Variants in IL1RAPL2 observed in about 807,000 individuals in gnomAD.
IL1RAPL2 encodes the protein X-linked interleukin-1 receptor accessory protein-like 2.
IL1RAPL2 carries 3 observed loss-of-function variants against 44.1 expected under a neutral mutation model. The observed-to-expected ratio is 0.07, with a 90% CI of 0.03 to 0.18. The LOEUF (loss-of-function observed/expected upper bound fraction) is 0.18, where lower values mean the gene tolerates loss of function less well. Among genes scored for constraint, IL1RAPL2 ranks in the 10% least tolerant of loss-of-function variants. IL1RAPL2 has a pLI of 1.00. For missense variants in IL1RAPL2, 391 were observed against 496.4 expected, an observed-to-expected ratio of 0.79 and a Z score of 2.02; for synonymous variants, 181 against 178.8, an observed-to-expected ratio of 1.01 and a Z score of -0.10.
intron 7 of IL1RAPL2, among the ~76,000 whole-genome samples, chrX:105,739,639 A>G (rs1451649780): frequency 9.4e-6 from 1 of 105,978 alleles, no homozygotes; most frequent in Non-Finnish European, 1.9e-5. Context: ...GAGAATGATG[A>G]TTTCCAATTT....
intron 6 of IL1RAPL2, among the ~76,000 whole-genome samples, chrX:105,609,650 A>T (rs2037320833): frequency 8.9e-6 from 1 of 111,896 alleles, no homozygotes; most frequent in Non-Finnish European, 1.9e-5. Context: ...GTGAGTCAGG[A>T]ATAGATACGG....
At chrX:105,388,241 A>T (rs1228173014) in intron 5 of IL1RAPL2, among the ~76,000 whole-genome samples, 8 of 100,755 alleles carry the variant, frequency 7.9e-5, no homozygotes, top group Admixed American at 6.7e-4. Flanking sequence ...AGTAACTCTG[A>T]CTATGTCGGC....
rs774223084 is a variant in IL1RAPL2 at position 105,415,371 on chromosome X, T to C, written c.698-68942T>C. 4.8e-3 allele frequency among the ~76,000 whole-genome samples: 536 copies of C among 111,216 alleles called. 6 individuals carry two copies. Among genetic ancestry groups the C allele is most frequent in the African/African-American group, 0.017 (519 of 30,610 alleles). On this transcript the variant is annotated intron_variant, in intron 5 of 10. Coordinates refer to ENST00000372582, the MANE Select transcript of IL1RAPL2 (RefSeq NM_017416.2). ...GGAATGGTTATCATATAATAGGAAGTCAGACTGTGCAAATATTTGTTACTG... is the reference window on the plus strand; with the variant it reads ...GGAATGGTTATCATATAATAGGAAGCCAGACTGTGCAAATATTTGTTACTG...
intron 4 of IL1RAPL2, among the ~76,000 whole-genome samples, chrX:105,261,477 T>A (rs1334192619): frequency 2.9e-5 from 3 of 104,934 alleles, no homozygotes; most frequent in Non-Finnish European, 5.6e-5. Flanking sequence ...TCAGGCTGTT[T>A]TTTTGTTTGT....
At chrX:105,009,202 T>G (rs932410358) in intron 2 of IL1RAPL2, among the ~76,000 whole-genome samples, 16 of 111,342 alleles carry the variant, frequency 1.4e-4, no homozygotes, top group African/African-American at 4.2e-4. Flanking sequence ...GATTCCTCAA[T>G]GATCTAGAAC....
intron 5 of IL1RAPL2, among the ~76,000 whole-genome samples, chrX:105,439,093 T>G (rs2035901217): frequency 9.0e-6 from 1 of 111,624 alleles, no homozygotes; most frequent in Admixed American, 9.6e-5. Flanking sequence ...CTGCCATGAT[T>G]GTAAGTTTCC....
chrX:104,847,035 G>C (rs1181197668), intron 2 of IL1RAPL2, among the ~76,000 whole-genome samples: 8 of 111,930 alleles, frequency 7.1e-5, no homozygotes, highest in African/African-American at 2.6e-4. Flanking sequence ...CCCACTTTTT[G>C]ATGGGGTTGT....
intron 2 of IL1RAPL2, among the ~76,000 whole-genome samples, chrX:104,872,361 CT>C (rs1922788761): frequency 1.8e-5 from 2 of 111,615 alleles, no homozygotes; most frequent in South Asian, 7.5e-4. Flanking sequence ...TAAAAATTAT[CT>C]TACTTTTCAA....
intron 2 of IL1RAPL2, among the ~76,000 whole-genome samples, chrX:105,079,970 C>T (rs1385132466): frequency 1.8e-5 from 2 of 112,076 alleles, no homozygotes; most frequent in Non-Finnish European, 3.8e-5. Context: ...AGCTTTTATT[C>T]AGGTTGGTTG....
At chrX:105,447,029 C>A (rs2035959890) in intron 5 of IL1RAPL2, among the ~76,000 whole-genome samples, 1 of 81,252 alleles carries the variant, frequency 1.2e-5, no homozygotes, top group Non-Finnish European at 2.3e-5. Flanking sequence ...GTCTTCATTT[C>A]TCCGTCATGC....
In IL1RAPL2 at chrX:104,639,194, G is replaced by A. The variant is rs746545899; in HGVS notation, c.-19-19701G>A. On this transcript the variant is annotated intron_variant, in intron 1 of 10. Transcript: ENST00000372582. ...ACTCCTGCCAGCAGTGGACTGGGTG[G>A]GTGGGTTCTTAGGCCCCTGAATAGC... Among the ~76,000 whole-genome samples the A allele has an allele frequency of 1.3e-4, 14 of 111,256 alleles. No individual in the cohort carries two copies. The South Asian group carries it at 5.3e-3, about 42-fold the overall frequency.
At chrX:105,310,535 C>A (rs952573359) in intron 5 of IL1RAPL2, among the ~76,000 whole-genome samples, 2 of 111,087 alleles carry the variant, frequency 1.8e-5, no homozygotes, top group Non-Finnish European at 3.8e-5. Context: ...CTTTTAAAAT[C>A]TTCTTAAGGT....
intron 2 of IL1RAPL2, among the ~76,000 whole-genome samples, chrX:105,116,075 C>T (rs1169365350): frequency 1.9e-5 from 2 of 103,480 alleles, no homozygotes; most frequent in Admixed American, 1.0e-4. Context: ...CCCTGGTTCC[C>T]GCCTGCGCCT....
chrX:104,895,315 C>T (rs1923609274), intron 2 of IL1RAPL2, among the ~76,000 whole-genome samples: 1 of 112,515 alleles, frequency 8.9e-6, no homozygotes, highest in South Asian at 3.7e-4. Flanking sequence ...TTAAAGCTGT[C>T]AGACAGGGAT....
intron 2 of IL1RAPL2, among the ~76,000 whole-genome samples, chrX:104,689,928 C>G (rs928185895): frequency 7.1e-5 from 8 of 112,130 alleles, no homozygotes; most frequent in African/African-American, 2.6e-4. Flanking sequence ...TGACTTGGCT[C>G]ACTGTTCCCC....
intron 4 of IL1RAPL2, among the ~76,000 whole-genome samples, chrX:105,253,727 G>C (rs2034291595): frequency 9.0e-6 from 1 of 111,333 alleles, no homozygotes; most frequent in Non-Finnish European, 1.9e-5. Context: ...GTAGACCCCA[G>C]TGTCTGTTGT....
rs754615504 is a variant in IL1RAPL2 at position 104,747,757 on chromosome X, C to T, written c.82+88762C>T. On this transcript the variant is annotated intron_variant, in intron 2 of 10. Coordinates refer to ENST00000372582, the MANE Select transcript of IL1RAPL2 (RefSeq NM_017416.2). Reference sequence around the variant, plus strand: ...AAAGAGGATGAGTGTACTTACATGACTCTTTTTTTGTTGTTCATGTTCTCT... The same window carrying T: ...AAAGAGGATGAGTGTACTTACATGATTCTTTTTTTGTTGTTCATGTTCTCT... 1.0e-3 allele frequency among the ~76,000 whole-genome samples: 112 copies of T among 111,607 alleles called. 1 individual carries two copies. The highest frequency in any genetic ancestry group is 3.3e-3 in the African/African-American group (101 of 30,795).
intron 2 of IL1RAPL2, among the ~76,000 whole-genome samples, chrX:105,177,313 T>C (rs983103372): frequency 2.7e-5 from 3 of 110,184 alleles, no homozygotes; most frequent in African/African-American, 9.9e-5. Context: ...TGTCACTGTC[T>C]CCTATCACCC....
At chrX:104,904,396 C>A (rs1264552955) in intron 2 of IL1RAPL2, among the ~76,000 whole-genome samples, 5 of 106,269 alleles carry the variant, frequency 4.7e-5, no homozygotes, top group Non-Finnish European at 9.7e-5. Flanking sequence ...TGGTGCGCTG[C>A]ACCCACTAAC....
Sources: gnomAD v4.1 joint callset for allele counts (sites outside exome capture counted in the v4.1 genomes callset) on GRCh38, gnomAD v4.1.1 for gene constraint, MANE v1.5 for transcripts, NCBI Gene and HGNC (gene_info 2026-07-23, HGNC 2026-07-21) for gene names.